SGO2: variants seen among roughly 807,000 people sequenced by gnomAD.
The protein encoded by SGO2 is shugoshin-like 2.
A neutral mutation model predicts 99.5 loss-of-function variants in SGO2; 68 were observed. The ratio of observed to expected loss-of-function variants is 0.68; its 90% CI spans 0.56 to 0.84. The LOEUF is 0.84. Among genes scored for constraint, SGO2 ranks in the 40% least tolerant of loss-of-function variants. The pLI, the probability that SGO2 is intolerant of heterozygous loss-of-function variation, is 0.00. For missense variants in SGO2, 1,350 were observed against 1,436.7 expected (o/e 0.94, Z 0.97); for synonymous variants, 457 against 487.1 (o/e 0.94, Z 0.81).
chr2:200,580,909 G>T (rs544501091), intron 8 of SGO2, among the ~76,000 whole-genome samples: 258 of 152,266 alleles, frequency 1.7e-3, no homozygotes, highest in African/African-American at 5.7e-3. Context: ...TCTCTGATCA[G>T]TGCTTTCAAT....
In SGO2 at chr2:200,573,905, A is replaced by C; in HGVS notation, c.3559A>C (p.Ser1187Arg). 1 of 1,610,744 alleles carries C rather than the reference A, an allele frequency of 6.2e-7. No homozygotes were observed. Among genetic ancestry groups the C allele is most frequent in the Non-Finnish European group, 8.5e-7 (1 of 1,178,954 alleles). The part of the protein sequence containing the change: ...ALECSPAFQV[S>R]DDEHEKMNKM... ...GGAGTGCTCCCCAGCCTTTCAAGTA[A>C]GTGATGATGAGCATGAGAAGATGAA... The change falls in exon 7 of 9, where the codon AGT (serine) becomes CGT (arginine). Residue 1187 changes from serine (S) to arginine (R), a missense_variant. Transcript: ENST00000357799.
At chr2:200,535,480 C>T (rs760382355) in intron 3 of SGO2, among the ~76,000 whole-genome samples, 10 of 152,070 alleles carry the variant, frequency 6.6e-5, no homozygotes, top group Non-Finnish European at 1.0e-4. Flanking sequence ...ATAGTTCTTC[C>T]GGTGTTCTTG....
intron 5 of SGO2, among the ~76,000 whole-genome samples, chr2:200,549,669 T>A (rs1399961374): frequency 6.6e-6 from 1 of 152,188 alleles, no homozygotes; most frequent in Non-Finnish European, 1.5e-5. Context: ...ATTATTTCAA[T>A]AGATGCCAAA....
chr2:200,553,485 T>A (rs755328235), intron 5 of SGO2, among the ~76,000 whole-genome samples: 3 of 152,096 alleles, frequency 2.0e-5, no homozygotes, highest in Non-Finnish European at 2.9e-5. Context: ...CAGTCTAAAT[T>A]GCAGAAAAAA....
At chr2:200,542,861 C>G in intron 5 of SGO2, 197 bp downstream of exon 5, 1 of 399,702 alleles carries the variant, frequency 2.5e-6, no homozygotes, top group African/African-American at 2.0e-5. Flanking sequence ...ATCCCCCAAC[C>G]AGGTTTATTT....
intron 5 of SGO2, 42 bp from the exon 6 acceptor site, chr2:200,569,599 CCCATGCATTTAAAGAAAATTTA>C: frequency 8.4e-7 from 1 of 1,185,710 alleles, no homozygotes. Flanking sequence ...GAAATAACTG[CCCATGCATTTAAAGAAAATTTA>C]TAAAACACAT....
intron 2 of SGO2, 57 bp downstream of exon 2, chr2:200,533,165 A>T (rs1368877652): frequency 1.4e-6 from 2 of 1,478,002 alleles, no homozygotes; most frequent in Admixed American, 2.5e-5. Flanking sequence ...CAGAATTGTT[A>T]TATATTTGCT....
Position 200,532,995 on chromosome 2 carries a change from A to G in SGO2, c.20A>G (p.Glu7Gly). Residue 7 changes from glutamate to glycine, a missense_variant, in exon 2 of 9, where the codon GAA (glutamate) becomes GGA (glycine). Transcript: ENST00000357799. Reference protein sequence around the residue: MECPVMETGSLFTSGIK... With the variant: MECPVMGTGSLFTSGIK... ...TCAGTGATGGAGTGCCCAGTGATGG[A>G]AACTGGCTCACTTTTTACCTCAGGA... 1 of 1,610,456 alleles carries G rather than the reference A, an allele frequency of 6.2e-7. No homozygotes were observed.
chr2:200,549,700 C>T (rs1180366435), intron 5 of SGO2, among the ~76,000 whole-genome samples: 1 of 152,200 alleles, frequency 6.6e-6, no homozygotes, highest in Non-Finnish European at 1.5e-5. Context: ...TAAAATTCAA[C>T]ATCCCTTTTT....
At chr2:200,555,704 C>A (rs2032681229) in intron 5 of SGO2, among the ~76,000 whole-genome samples, 1 of 152,098 alleles carries the variant, frequency 6.6e-6, no homozygotes. Flanking sequence ...CATTAGCTAT[C>A]CCCAGAAGCA....
At chr2:200,563,945 C>G (rs1387158987) in intron 5 of SGO2, among the ~76,000 whole-genome samples, 2 of 152,056 alleles carry the variant, frequency 1.3e-5, no homozygotes, top group African/African-American at 2.4e-5. Flanking sequence ...TGATTCTTCT[C>G]TCTTTTCTTC....
intron 2 of SGO2, among the ~76,000 whole-genome samples, chr2:200,533,550 T>C (rs1559197897): frequency 1.3e-5 from 2 of 150,698 alleles, no homozygotes. Context: ...TGTGTGTGTA[T>C]ACATGTGACT....
chr2:200,556,370 T>G (rs963715470), intron 5 of SGO2, among the ~76,000 whole-genome samples: 3 of 152,226 alleles, frequency 2.0e-5, no homozygotes, highest in Admixed American at 6.5e-5. Context: ...CAGCCAATAT[T>G]TCTCGCTTTT....
At chr2:200,529,545 C>T (rs143602085) in intron 1 of SGO2, among the ~76,000 whole-genome samples, 16 of 152,088 alleles carry the variant, frequency 1.1e-4, no homozygotes, top group African/African-American at 2.4e-4. Flanking sequence ...GTTTTTGAGA[C>T]GGAGTCTCAC....
intron 1 of SGO2, among the ~76,000 whole-genome samples, chr2:200,530,319 TGA>T (rs2031312009): frequency 6.6e-6 from 1 of 152,146 alleles, no homozygotes; most frequent in East Asian, 1.9e-4. Context: ...AGTTGAGATA[TGA>T]GAGAGATTTT....
At chr2:200,559,280 CTCT>C (rs973277683) in intron 5 of SGO2, among the ~76,000 whole-genome samples, 4 of 151,852 alleles carry the variant, frequency 2.6e-5, no homozygotes, top group South Asian at 2.1e-4. Context: ...TAGTGAGGTT[CTCT>C]TCTTCTTTCT....
At position 200,572,805 on chromosome 2, in the gene SGO2, C is replaced by A; in HGVS notation, c.2459C>A (p.Pro820His). The stretch of plus-strand genomic sequence containing the variant: ...GTATGTCAAAAGTCAGAAATAATTC[C>A]TGAAACCAACCAAATATATGAGAAT... ...LNVCQKSEII[P>H]ETNQIYENDN... The change falls in exon 7 of 9, where the codon CCT becomes CAT. Residue 820 changes from proline to histidine, a missense_variant. Pro to His is a moderately conservative substitution (Grantham distance 77). Coordinates refer to ENST00000357799, the MANE Select transcript of SGO2 (RefSeq NM_152524.6). The A allele has an allele frequency of 6.2e-7, 1 of 1,612,168 alleles. No individual in the cohort carries two copies. The highest frequency in any genetic ancestry group is 2.2e-5 in the East Asian group (1 of 44,830).
At chr2:200,535,194 G>T (rs10497848) in intron 3 of SGO2, 23 bp downstream of exon 3, 201,180 of 1,441,090 alleles carry the variant, frequency 0.14, 15,677 homozygotes, top group Non-Finnish European at 0.16. Flanking sequence ...TATTGTTTTT[G>T]AATTCTAATT....
chr2:200,580,866 T>A (rs7602386), intron 8 of SGO2, among the ~76,000 whole-genome samples: 34,159 of 148,686 alleles, frequency 0.23, 4,033 homozygotes, highest in Middle Eastern at 0.3. Flanking sequence ...CACAAAAAAA[T>A]TTTTTTTTAA....
Sources: allele counts gnomAD v4.1 joint callset (sites outside exome capture counted in the v4.1 genomes callset), GRCh38; gene constraint gnomAD v4.1.1; transcripts MANE v1.5; gene names NCBI Gene and HGNC (gene_info 2026-07-23, HGNC 2026-07-21).